Variants in CXCL13 observed in about 807,000 individuals in gnomAD.
CXCL13 encodes the protein C-X-C motif chemokine 13.
A neutral mutation model predicts 12.2 loss-of-function variants in CXCL13; 7 were observed. The ratio of observed to expected loss-of-function variants is 0.57; its 90% CI spans 0.33 to 1.07. CXCL13 has a LOEUF of 1.07. Ranked by LOEUF, CXCL13 falls within the 50% of genes least tolerant of loss-of-function variation. The probability of loss-of-function intolerance (pLI) is 0.04; values close to 1 mark genes in which losing one functional copy is unlikely to be tolerated. For missense variants in CXCL13, 113 were observed against 127.4 expected (o/e 0.89, Z 0.55); for synonymous variants, 47 against 42.4 (o/e 1.11, Z -0.42).
chr4:77,529,518 G>C (rs577330781), intron 1 of CXCL13, among the ~76,000 whole-genome samples: 57 of 152,230 alleles, frequency 3.7e-4, no homozygotes, highest in Non-Finnish European at 7.5e-4. Flanking sequence ...TGGATTGCTA[G>C]GTATTTTATT....
chr4:77,609,123 A>G (rs1187540939), intron 2 of CXCL13, among the ~76,000 whole-genome samples: 1 of 152,222 alleles, frequency 6.6e-6, no homozygotes, highest in Non-Finnish European at 1.5e-5. Flanking sequence ...TCTTTCCATC[A>G]TGAACTCAGA....
intron 1 of CXCL13, among the ~76,000 whole-genome samples, chr4:77,584,671 G>C (rs533370041): frequency 6.6e-6 from 1 of 152,296 alleles, no homozygotes; most frequent in East Asian, 1.9e-4. Context: ...GGGAGAAGGA[G>C]CATGATGATC....
intron 1 of CXCL13, among the ~76,000 whole-genome samples, chr4:77,528,945 T>G (rs2110083562): frequency 6.6e-6 from 1 of 152,334 alleles, no homozygotes; most frequent in Middle Eastern, 3.4e-3. Flanking sequence ...CATCTTGAAT[T>G]AATTTTTGTA....
Position 77,607,182 on chromosome 4 carries a change from A to G in CXCL13, c.65-521A>G, listed in dbSNP as rs559843994. On this transcript the variant is annotated intron_variant, in intron 1 of 3. Transcript: ENST00000682537. ...GTTTTTATGTGTTGGGAGTGAAGATAATCCACTGGTTTTATATTGCATTAA... is the reference window on the plus strand; with the variant it reads ...GTTTTTATGTGTTGGGAGTGAAGATGATCCACTGGTTTTATATTGCATTAA... Among the ~76,000 whole-genome samples, 18 of 152,330 alleles carry G rather than the reference A, an allele frequency of 1.2e-4. No individual in the cohort carries two copies. The East Asian group carries it at 3.5e-3, about 29-fold the overall frequency.
At chr4:77,543,486 C>T (rs1725256650) in intron 1 of CXCL13, among the ~76,000 whole-genome samples, 2 of 151,996 alleles carry the variant, frequency 1.3e-5, no homozygotes, top group African/African-American at 2.4e-5. Flanking sequence ...TTGACATAGG[C>T]ATTTAGCACT....
At chr4:77,535,412 C>T (rs745323673) in intron 1 of CXCL13, among the ~76,000 whole-genome samples, 43 of 152,248 alleles carry the variant, frequency 2.8e-4, no homozygotes, top group Non-Finnish European at 5.3e-4. Flanking sequence ...AATCTTGCGA[C>T]CCATTGTATT....
intron 1 of CXCL13, among the ~76,000 whole-genome samples, chr4:77,539,076 T>TC (rs1209460883): frequency 4.3e-5 from 6 of 138,000 alleles, no homozygotes; most frequent in Admixed American, 4.2e-4. Context: ...TTTTTTTTTT[T>TC]CCTTTTGAAA....
Position 77,611,279 on chromosome 4 carries a change from ATAGT to A in CXCL13, c.*243_*246del. ...ATCAGGGAGGAAAGTTTCTTTGAAAATAGTTATTCAGTTATAAGTAATACAGGAT... is the reference window on the plus strand; with the variant it reads ...ATCAGGGAGGAAAGTTTCTTTGAAAATATTCAGTTATAAGTAATACAGGAT... On this transcript the variant is annotated 3_prime_UTR_variant, in exon 4 of 4. Coordinates refer to ENST00000682537, the MANE Select transcript of CXCL13 (RefSeq NM_001371558.1). 1 of 422,408 alleles carries A rather than the reference ATAGT, an allele frequency of 2.4e-6. No homozygotes were observed. The highest frequency in any genetic ancestry group is 4.2e-6 in the Non-Finnish European group (1 of 239,212). The allele number at this position is 422,408 out of a possible 1,614,324, so 26.2% of individuals were successfully genotyped here. A position where few individuals can be genotyped will look rare whatever the true frequency, so the allele number is the denominator to read the frequency against.
chr4:77,522,404 C>T (rs892124659), intron 1 of CXCL13, among the ~76,000 whole-genome samples: 1 of 151,236 alleles, frequency 6.6e-6, no homozygotes, highest in African/African-American at 2.4e-5. Context: ...GGATATTTAG[C>T]TCTTCTTGTT....
chr4:77,519,974 G>C (rs968235276), intron 1 of CXCL13, among the ~76,000 whole-genome samples: 2 of 152,256 alleles, frequency 1.3e-5, no homozygotes, highest in East Asian at 1.9e-4. Context: ...AATAGGGAAT[G>C]CTTTCTCCAT....
At chr4:77,525,907 A>G (rs1724750650) in intron 1 of CXCL13, among the ~76,000 whole-genome samples, 1 of 134,706 alleles carries the variant, frequency 7.4e-6, no homozygotes, top group African/African-American at 3.4e-5. Flanking sequence ...GGCTTTTTTT[A>G]AATTGTGGGT....
chr4:77,603,060 A>G (rs76808349), upstream of CXCL13, among the ~76,000 whole-genome samples: 4 of 152,148 alleles, frequency 2.6e-5, no homozygotes, highest in Admixed American at 2.0e-4. Context: ...TGGTGGTCCT[A>G]TTTTTAATAG....
At chr4:77,606,682 T>G (rs1338380224) in intron 1 of CXCL13, among the ~76,000 whole-genome samples, 1 of 152,218 alleles carries the variant, frequency 6.6e-6, no homozygotes, top group Non-Finnish European at 1.5e-5. Context: ...CCGGCAGAGG[T>G]AGCTCTTAGT....
chr4:77,530,341 G>T (rs562317666), intron 1 of CXCL13, among the ~76,000 whole-genome samples: 1 of 152,072 alleles, frequency 6.6e-6, no homozygotes, highest in Non-Finnish European at 1.5e-5. Flanking sequence ...GAATAGTTTC[G>T]GAAGGAATGG....
intron 1 of CXCL13, among the ~76,000 whole-genome samples, chr4:77,538,844 ATG>A (rs1383697450): frequency 2.0e-5 from 3 of 152,146 alleles, no homozygotes; most frequent in African/African-American, 4.8e-5. Flanking sequence ...GCAACAAGAT[ATG>A]TTATCGGCAG....
chr4:77,561,511 G>A lies in CXCL13; in HGVS notation c.-42-44313G>A, dbSNP rs558720463. Among the ~76,000 whole-genome samples, 7 of 152,326 alleles carry A rather than the reference G, an allele frequency of 4.6e-5. 1 individual carries two copies. In the East Asian group the frequency reaches 1.4e-3, roughly 29 times the overall value. Reference sequence around the variant, plus strand: ...CAGATGAAAAACCTGATACTTAGAGGCTAACTTAGCCAAGATCGTTCTGCT... The same window carrying A: ...CAGATGAAAAACCTGATACTTAGAGACTAACTTAGCCAAGATCGTTCTGCT... On this transcript the variant is annotated intron_variant, in intron 1 of 4. Transcript: ENST00000286758.
At chr4:77,535,455 C>T (rs956313988) in intron 1 of CXCL13, among the ~76,000 whole-genome samples, 2 of 152,156 alleles carry the variant, frequency 1.3e-5, no homozygotes, top group Admixed American at 6.5e-5. Context: ...ATTCTCATCC[C>T]ACATGCTGTT....
chr4:77,579,507 T>C (rs879322579), intron 1 of CXCL13, among the ~76,000 whole-genome samples: 7 of 152,206 alleles, frequency 4.6e-5, no homozygotes, highest in African/African-American at 1.2e-4. Context: ...GTTTTCTCAA[T>C]GTATTATGCT....
At chr4:77,590,703 T>C (rs1726583578) in intron 1 of CXCL13, among the ~76,000 whole-genome samples, 1 of 152,232 alleles carries the variant, frequency 6.6e-6, no homozygotes, top group African/African-American at 2.4e-5. Flanking sequence ...ACACTCATTC[T>C]GTGAGCAGGA....
Sources: allele counts gnomAD v4.1 joint callset (sites outside exome capture counted in the v4.1 genomes callset), GRCh38; gene constraint gnomAD v4.1.1; transcripts MANE v1.5; gene names NCBI Gene and HGNC (gene_info 2026-07-23, HGNC 2026-07-21).